Variants in AKAP13 observed in about 807,000 individuals in gnomAD.
AKAP13 encodes A-kinase anchor protein 13.
A neutral mutation model predicts 264.5 loss-of-function variants in AKAP13; 80 were observed. The ratio of observed to expected loss-of-function variants is 0.30; its 90% confidence interval spans 0.25 to 0.36. The LOEUF (loss-of-function observed/expected upper bound fraction) is 0.36. Ranked by LOEUF, AKAP13 falls within the 10% of genes least tolerant of loss-of-function variation. The probability of loss-of-function intolerance (pLI) is 1.00; values close to 1 mark genes in which losing one functional copy is unlikely to be tolerated. For missense variants in AKAP13, 3,712 were observed against 3,435.2 expected (o/e 1.08, Z -2.01); for synonymous variants, 1,380 against 1,250.2 (o/e 1.10, Z -2.19).
chr15:85,723,713 T>G (rs1412667113), intron 26 of AKAP13, among the ~76,000 whole-genome samples: 2 of 152,206 alleles, frequency 1.3e-5, no homozygotes, highest in African/African-American at 4.8e-5. Flanking sequence ...GTCAGCGAGT[T>G]TCACAGAATC....
chr15:85,619,606 A>G, intron 8 of AKAP13: 1 of 985,796 alleles, frequency 1.0e-6, no homozygotes, highest in African/African-American at 1.7e-5. Flanking sequence ...TCGCTTTGAA[A>G]TAGCGTCGTC....
chr15:85,514,454 C>G (rs1596387069), intron 2 of AKAP13, among the ~76,000 whole-genome samples: 1 of 137,668 alleles, frequency 7.3e-6, no homozygotes, highest in African/African-American at 2.9e-5. Context: ...TGTTTTCTGT[C>G]AAAACAAGAT....
At chr15:85,465,358 A>G (rs911472090) in intron 1 of AKAP13, among the ~76,000 whole-genome samples, 5 of 151,902 alleles carry the variant, frequency 3.3e-5, no homozygotes, top group African/African-American at 9.7e-5. Flanking sequence ...AAAAAATTTT[A>G]TTATTATTAT....
chr15:85,559,213 G>T (rs1298649709), intron 5 of AKAP13, among the ~76,000 whole-genome samples: 2 of 152,194 alleles, frequency 1.3e-5, no homozygotes, highest in Non-Finnish European at 2.9e-5. Context: ...TTAAACAGAA[G>T]ACAGTTAAGT....
intron 2 of AKAP13, among the ~76,000 whole-genome samples, chr15:85,520,335 A>C (rs906886569): frequency 1.3e-5 from 2 of 151,906 alleles, no homozygotes; most frequent in Admixed American, 6.6e-5. Context: ...TCTCTACTAA[A>C]AATACAAAAA....
chr15:85,584,445 C>T (rs1036247628), intron 7 of AKAP13, among the ~76,000 whole-genome samples: 1 of 152,132 alleles, frequency 6.6e-6, no homozygotes. Flanking sequence ...AGGAAAGCAA[C>T]CCTCTTTCCC....
chr15:85,431,856 AAGAT>A (rs1176040093), intron 1 of AKAP13, among the ~76,000 whole-genome samples: 9 of 152,230 alleles, frequency 5.9e-5, no homozygotes, highest in Admixed American at 2.6e-4. Flanking sequence ...TATAATCTGA[AAGAT>A]AGAGTTGTGT....
At chr15:85,517,773 G>A (rs1210205386) in intron 2 of AKAP13, among the ~76,000 whole-genome samples, 1 of 152,096 alleles carries the variant, frequency 6.6e-6, no homozygotes, top group Non-Finnish European at 1.5e-5. Context: ...ACAGAATAAG[G>A]CCTAGTATAG....
intron 1 of AKAP13, among the ~76,000 whole-genome samples, chr15:85,434,091 A>C: frequency 1.8e-5 from 1 of 55,720 alleles, no homozygotes; most frequent in African/African-American, 7.7e-5. Context: ...GGAGTGCCAG[A>C]CGGCGCAGGC....
chr15:85,420,469 G>A (rs552567997), intron 1 of AKAP13, among the ~76,000 whole-genome samples: 1 of 152,158 alleles, frequency 6.6e-6, no homozygotes, highest in East Asian at 1.9e-4. Flanking sequence ...GCAGGGTATG[G>A]TATGATTCTG....
chr15:85,585,848 A>G, intron 8 of AKAP13, 25 bp downstream of exon 8: 1 of 1,611,924 alleles, frequency 6.2e-7, no homozygotes, highest in East Asian at 2.2e-5. Flanking sequence ...TAAGTCTATA[A>G]GGGCACAAAA....
chr15:85,417,373 C>A (rs1424085068), intron 1 of AKAP13, among the ~76,000 whole-genome samples: 1 of 152,178 alleles, frequency 6.6e-6, no homozygotes, highest in African/African-American at 2.4e-5. Flanking sequence ...CTGATACTCA[C>A]TGGTCCTTTT....
At chr15:85,496,281 C>G (rs549213122) in intron 2 of AKAP13, among the ~76,000 whole-genome samples, 1 of 152,108 alleles carries the variant, frequency 6.6e-6, no homozygotes, top group South Asian at 2.1e-4. Context: ...AAAAGCTTAT[C>G]AGAGTGATTT....
chr15:85,403,964 C>T (rs865924805), intron 1 of AKAP13, among the ~76,000 whole-genome samples: 72 of 152,226 alleles, frequency 4.7e-4, no homozygotes, highest in African/African-American at 1.7e-3. Flanking sequence ...GGAATACTGC[C>T]CTGAGGCTTG....
intron 21 of AKAP13, 79 bp downstream of exon 21, chr15:85,717,481 T>C: frequency 1.0e-6 from 1 of 980,064 alleles, no homozygotes; most frequent in Non-Finnish European, 1.6e-6. Context: ...TAAGTCTTAA[T>C]GGAGTGACAG....
At chr15:85,578,211 A>T (rs962754910) in intron 6 of AKAP13, among the ~76,000 whole-genome samples, 1 of 152,202 alleles carries the variant, frequency 6.6e-6, no homozygotes, top group Non-Finnish European at 1.5e-5. Context: ...TGAGCCCAGG[A>T]GTTCAAGGCT....
In AKAP13 at chr15:85,744,774, A is replaced by G; in HGVS notation, c.*97A>G. The stretch of plus-strand genomic sequence containing the variant: ...CACAAGTCTCTTACACTGGACGCCC[A>G]CTGCTCCTCAGCGTCCAGTCCTCCT... On this transcript the variant is annotated 3_prime_UTR_variant, in exon 37 of 37. Transcript: ENST00000394518. 8.5e-7 allele frequency: 1 copy of G among 1,174,420 alleles called. No homozygotes were observed. The highest frequency in any genetic ancestry group is 1.2e-6 in the Non-Finnish European group (1 of 840,182). The allele number at this position is 1,174,420 out of a possible 1,614,324, so 72.7% of individuals were successfully genotyped here.
chr15:85,535,654 G>A (rs1240476412), intron 4 of AKAP13: 1 of 152,102 alleles, frequency 6.6e-6, no homozygotes, highest in Non-Finnish European at 1.5e-5. Context: ...GTTATTTGTG[G>A]GGCTTATGGT....
At chr15:85,740,348 C>G in intron 34 of AKAP13, 76 bp downstream of exon 34, 1 of 1,550,228 alleles carries the variant, frequency 6.5e-7, no homozygotes, top group Non-Finnish European at 8.9e-7. Context: ...TGACTTGGAT[C>G]TTTGAGGTTT....
Sources: gnomAD v4.1 joint callset for allele counts (sites outside exome capture counted in the v4.1 genomes callset) on GRCh38, gnomAD v4.1.1 for gene constraint, MANE v1.5 for transcripts, NCBI Gene and HGNC (gene_info 2026-07-23, HGNC 2026-07-21) for gene names.